HOMEZ: variants seen among roughly 807,000 people sequenced by gnomAD.
HOMEZ encodes the protein homeobox and leucine zipper protein Homez.
HOMEZ carries 20 observed loss-of-function variants against 50.1 expected under a neutral mutation model. That is an observed-to-expected ratio of 0.40 (90% CI 0.28 to 0.58). The LOEUF is 0.58. Ranked by LOEUF, HOMEZ falls within the 20% of genes least tolerant of loss-of-function variation. The pLI, the probability that HOMEZ is intolerant of heterozygous loss-of-function variation, is 0.46. For missense variants in HOMEZ, 579 were observed against 680.5 expected (o/e 0.85, Z 1.66); for synonymous variants, 239 against 254.7 (o/e 0.94, Z 0.59).
At chr14:23,277,221 G>C (rs191243162) in intron 1 of HOMEZ, 34 bp from the exon 2 acceptor site, 4 of 1,487,070 alleles carry the variant, frequency 2.7e-6, no homozygotes, top group Non-Finnish European at 3.6e-6. Context: ...CAATCACTGG[G>C]TCTCCTCTTC....
intron 1 of HOMEZ, chr14:23,284,905 G>A (rs1282954586): frequency 6.6e-6 from 1 of 152,156 alleles, no homozygotes; most frequent in Non-Finnish European, 1.5e-5. Flanking sequence ...TACCTGGGAA[G>A]CTTAAAAACC....
chr14:23,280,740 ATTATTTTATTTTATTTTATT>A (rs1277086572), intron 1 of HOMEZ, among the ~76,000 whole-genome samples: 2 of 41,266 alleles, frequency 4.8e-5, no homozygotes, highest in African/African-American at 7.8e-5. Context: ...ATTTTATTTT[ATTATTTTATTTTATTTTATT>A]TTATTTTATT....
intron 1 of HOMEZ, among the ~76,000 whole-genome samples, chr14:23,281,917 C>T (rs971216868): frequency 6.6e-6 from 1 of 151,746 alleles, no homozygotes; most frequent in African/African-American, 2.4e-5. Flanking sequence ...TTGCTTGAGC[C>T]TGGGAGGTGG....
intron 1 of HOMEZ, among the ~76,000 whole-genome samples, chr14:23,278,946 G>A (rs1423278767): frequency 6.6e-6 from 1 of 151,902 alleles, no homozygotes; most frequent in African/African-American, 2.4e-5. Flanking sequence ...AAAGTGCTGG[G>A]ATTACAGGCG....
In HOMEZ at chr14:23,280,725, ATTTTATTTTATTTTATTATTTTAT is replaced by A. The variant is rs1886508566; in HGVS notation, c.41-3562_41-3539del. Among the ~76,000 whole-genome samples, 5 of 68,748 alleles carry A rather than the reference ATTTTATTTTATTTTATTATTTTAT, an allele frequency of 7.3e-5. No individual in the cohort carries two copies. The Admixed American group carries it at 9.2e-4, about 13-fold the overall frequency. The allele number at this position is 68,748 out of a possible 152,430, so 45.1% of individuals were successfully genotyped here. A position where few individuals can be genotyped will look rare whatever the true frequency, so the allele number is the denominator to read the frequency against. ...TATATTTTTATTTTTATTTTATTTT[ATTTTATTTTATTTTATTATTTTAT>A]TTTATTTTATTTTATTTTATTTTAT... On this transcript the variant is annotated intron_variant, in intron 1 of 1. Coordinates refer to ENST00000357460, the MANE Select transcript of HOMEZ (RefSeq NM_020834.3).
Position 23,286,012 on chromosome 14 carries a change from C to T in HOMEZ, c.-60G>A. ...CTCCGAGTGGGAGTGGGGTTGCTGC[C>T]CGGTGCGGCCGCTCCGAGCCCACCC... On this transcript the variant is annotated 5_prime_UTR_variant, in exon 1 of 2. Coordinates refer to ENST00000357460, the MANE Select transcript of HOMEZ (RefSeq NM_020834.3). 1.6e-6 allele frequency: 2 copies of T among 1,233,622 alleles called. No homozygotes were observed. The highest frequency in any genetic ancestry group is 2.0e-6 in the Non-Finnish European group (2 of 986,686). 76.4% of individuals were successfully genotyped at this position (1,233,622 alleles called of 1,614,324 possible).
At position 23,272,938 on chromosome 14, in the gene HOMEZ, T is replaced by C; in HGVS notation, c.*2637A>G. On this transcript the variant is annotated 3_prime_UTR_variant, in exon 2 of 2. Coordinates refer to ENST00000357460, the MANE Select transcript of HOMEZ (RefSeq NM_020834.3). ...ATACATGCTGCTGAAGGATGGACTG[T>C]AGCTTCCAGTACGCATTAGGGGTGA... is the stretch of plus-strand genomic sequence containing the variant. 8.8e-7 allele frequency: 1 copy of C among 1,138,810 alleles called. No individual in the cohort carries two copies. The highest frequency in any genetic ancestry group is 1.3e-6 in the Non-Finnish European group (1 of 798,734). 70.5% of individuals were successfully genotyped at this position (1,138,810 alleles called of 1,614,324 possible). A position where few individuals can be genotyped will look rare whatever the true frequency, so the allele number is the denominator to read the frequency against.
In HOMEZ at chr14:23,276,852, C is replaced by T. The variant is rs577666081; in HGVS notation, c.376G>A (p.Val126Ile). 93 of 1,614,066 alleles carry T rather than the reference C, an allele frequency of 5.8e-5. No individual in the cohort carries two copies. In the South Asian group the frequency reaches 9.7e-4, roughly 17 times the overall value. The change falls in exon 2 of 2, where the codon GTA becomes ATA. Residue 126 changes from valine to isoleucine, a missense_variant. Transcript: ENST00000357460. This position sits in a 1 kb window ranked among gnomAD's most constrained non-coding sequence, Gnocchi z 4.1. ...SEEIEETRAR[V>I]VYRRDQLHFK... ...TGGAGTTGGTCCCGACGGTAGACTA[C>T]TCGGGCTCGAGTCTCTTCTATTTCT... is the stretch of plus-strand genomic sequence containing the variant.
Position 23,272,492 on chromosome 14 carries a change from C to A in HOMEZ, c.*3083G>T. On this transcript the variant is annotated 3_prime_UTR_variant, in exon 2 of 2. Coordinates refer to ENST00000357460, the MANE Select transcript of HOMEZ (RefSeq NM_020834.3). ...AATTTTAAAGTTATTGAAGGAAATGCCACCTCCTCAGAGGCCTAAGAACTC... is the reference window on the plus strand; with the variant it reads ...AATTTTAAAGTTATTGAAGGAAATGACACCTCCTCAGAGGCCTAAGAACTC... 1 of 286,726 alleles carries A rather than the reference C, an allele frequency of 3.5e-6. No homozygotes were observed. Among genetic ancestry groups the A allele is most frequent in the Non-Finnish European group, 6.6e-6 (1 of 151,040 alleles). The allele number at this position is 286,726 out of a possible 1,614,324, so 17.8% of individuals were successfully genotyped here.
intron 1 of HOMEZ, among the ~76,000 whole-genome samples, chr14:23,280,379 A>G (rs1469408538): frequency 6.6e-6 from 1 of 152,012 alleles, no homozygotes; most frequent in Non-Finnish European, 1.5e-5. Flanking sequence ...AGCCCCCTCC[A>G]CACAGGGCAG....
intron 1 of HOMEZ, among the ~76,000 whole-genome samples, chr14:23,280,674 C>T (rs1162417580): frequency 2.7e-5 from 4 of 145,558 alleles, no homozygotes; most frequent in Non-Finnish European, 6.1e-5. Context: ...AGGGGAATCA[C>T]ATCTGTTATA....
intron 1 of HOMEZ, among the ~76,000 whole-genome samples, chr14:23,277,584 A>G (rs1886394176): frequency 6.6e-6 from 1 of 152,048 alleles, no homozygotes; most frequent in African/African-American, 2.4e-5. Context: ...TGAGACTACA[A>G]AAAATTTAAA....
In HOMEZ at chr14:23,276,816, G is replaced by C; in HGVS notation, c.412C>G (p.Leu138Val). ...CCCGCATGATGAGTAAAAGAGAGAA[G>C]GGATTTGAAATGGAGTTGGTCCCGA... ...YRRDQLHFKS[L>V]LSFTHHAGRP... is the part of the protein sequence containing the mutation. Residue 138 changes from leucine (L) to valine (V), a missense_variant, in exon 2 of 2, where the codon CTT becomes GTT. Physicochemically the swap from Leu to Val is conservative, Grantham distance 32 (BLOSUM62 1). Coordinates refer to ENST00000357460, the MANE Select transcript of HOMEZ (RefSeq NM_020834.3). This position sits in a 1 kb window ranked among gnomAD's most constrained non-coding sequence, Gnocchi z 4.1. 6.2e-7 allele frequency: 1 copy of C among 1,614,048 alleles called. No homozygotes were observed.
In HOMEZ at chr14:23,272,935, C is replaced by G. The variant is rs767402156; in HGVS notation, c.*2640G>C. The stretch of plus-strand genomic sequence containing the variant: ...TCTATACATGCTGCTGAAGGATGGA[C>G]TGTAGCTTCCAGTACGCATTAGGGG... On this transcript the variant is annotated 3_prime_UTR_variant, in exon 2 of 2. Transcript: ENST00000357460. The G allele has an allele frequency of 1.7e-6, 2 of 1,188,174 alleles. No individual in the cohort carries two copies. Among genetic ancestry groups the G allele is most frequent in the Non-Finnish European group, 2.4e-6 (2 of 843,508 alleles). The allele number at this position is 1,188,174 out of a possible 1,614,324, so 73.6% of individuals were successfully genotyped here. A position where few individuals can be genotyped will look rare whatever the true frequency, so the allele number is the denominator to read the frequency against.
In HOMEZ at chr14:23,275,757, T is replaced by C. The variant is rs1482615368; in HGVS notation, c.1471A>G (p.Ser491Gly). Residue 491 changes from serine (S) to glycine (G), a missense_variant, in exon 2 of 2, where the codon AGC (serine) becomes GGC (glycine). Transcript: ENST00000357460. ...IPQLSQASRL[S>G]TQQVLDWFDS... The stretch of plus-strand genomic sequence containing the variant: ...AACCAATCCAGCACCTGCTGGGTGC[T>C]AAGCCTTGATGCCTGACTCAATTGA... The C allele has an allele frequency of 3.7e-6, 6 of 1,613,738 alleles. No individual in the cohort carries two copies. In the Admixed American group the frequency reaches 8.3e-5, roughly 22 times the overall value.
In HOMEZ at chr14:23,275,752, G is replaced by C. The variant is rs753602279; in HGVS notation, c.1476C>G (p.Thr492=). Residue 492 remains threonine, a synonymous_variant, in exon 2 of 2, where the codon ACC becomes ACG. Coordinates refer to ENST00000357460, the MANE Select transcript of HOMEZ (RefSeq NM_020834.3). Reference sequence around the variant, plus strand: ...AGTCAAACCAATCCAGCACCTGCTGGGTGCTAAGCCTTGATGCCTGACTCA... The same window carrying C: ...AGTCAAACCAATCCAGCACCTGCTGCGTGCTAAGCCTTGATGCCTGACTCA... ...PQLSQASRLS[T]QQVLDWFDSR... The C allele has an allele frequency of 6.2e-7, 1 of 1,613,724 alleles. No individual in the cohort carries two copies. Among genetic ancestry groups the C allele is most frequent in the East Asian group, 2.2e-5 (1 of 44,876 alleles).
At chr14:23,280,753 ATTTTATTTTATTTTATT>A (rs1886524410) in intron 1 of HOMEZ, among the ~76,000 whole-genome samples, 2 of 77,560 alleles carry the variant, frequency 2.6e-5, no homozygotes, top group Non-Finnish European at 5.3e-5. Context: ...ATTTTATTTT[ATTTTATTTTATTTTATT>A]TTATTTTATT....
At chr14:23,285,653 G>A (rs1048286022) in intron 1 of HOMEZ, 1 of 384,650 alleles carries the variant, frequency 2.6e-6, no homozygotes, top group African/African-American at 2.1e-5. Flanking sequence ...GGGACGATAA[G>A]CCCCATGAGG....
intron 1 of HOMEZ, among the ~76,000 whole-genome samples, chr14:23,279,813 T>C (rs932454410): frequency 2.6e-5 from 4 of 152,196 alleles, no homozygotes; most frequent in Non-Finnish European, 5.9e-5. Context: ...GTTCTCGTTA[T>C]GTTGCCCAGG....
Sources: allele counts gnomAD v4.1 joint callset (sites outside exome capture counted in the v4.1 genomes callset), GRCh38; gene constraint gnomAD v4.1.1; non-coding constraint Gnocchi (gnomAD v3.1); transcripts MANE v1.5; gene names NCBI Gene and HGNC (gene_info 2026-07-23, HGNC 2026-07-21).